RIMS2: variants seen among roughly 807,000 people sequenced by gnomAD.
RIMS2 encodes the protein regulating synaptic membrane exocytosis 2, also known as regulating synaptic membrane exocytosis protein 2.
RIMS2 carries 59 observed loss-of-function variants against 174.4 expected under a neutral mutation model. That is an observed-to-expected ratio of 0.34 (90% CI 0.27 to 0.42). The LOEUF (loss-of-function observed/expected upper bound fraction) is 0.42, where lower values mean the gene tolerates loss of function less well. Ranked by LOEUF, RIMS2 falls within the 10% of genes least tolerant of loss-of-function variation. The pLI, the probability that RIMS2 is intolerant of heterozygous loss-of-function variation, is 1.00. For missense variants in RIMS2, 1,620 were observed against 1,666.3 expected, an observed-to-expected ratio of 0.97 and a Z score of 0.48; for synonymous variants, 606 against 572.5, an observed-to-expected ratio of 1.06 and a Z score of -0.84.
At chr8:103,662,712 A>G (rs1465622392) in intron 1 of RIMS2, among the ~76,000 whole-genome samples, 1 of 149,538 alleles carries the variant, frequency 6.7e-6, no homozygotes, top group Non-Finnish European at 1.5e-5. Context: ...CTATCTATCT[A>G]TCTATCTATA....
chr8:104,108,278 G>A (rs1252133247), intron 19 of RIMS2, among the ~76,000 whole-genome samples: 1 of 151,646 alleles, frequency 6.6e-6, no homozygotes, highest in Non-Finnish European at 1.5e-5. Flanking sequence ...TTATCATCCA[G>A]GCTGTATCAT....
chr8:104,012,033 C>T (rs1162375384), intron 17 of RIMS2, among the ~76,000 whole-genome samples: 1 of 151,886 alleles, frequency 6.6e-6, no homozygotes, highest in Non-Finnish European at 1.5e-5. Flanking sequence ...TTTCATTTCT[C>T]TTACCATTTA....
intron 1 of RIMS2, among the ~76,000 whole-genome samples, chr8:103,672,206 G>T (rs1269543082): frequency 1.4e-5 from 2 of 147,190 alleles, no homozygotes; most frequent in Non-Finnish European, 3.0e-5. Context: ...GTCTTCTATT[G>T]TTTTTTTTTT....
chr8:104,143,729 C>G (rs1321334949), intron 19 of RIMS2, among the ~76,000 whole-genome samples: 2 of 152,206 alleles, frequency 1.3e-5, no homozygotes, highest in African/African-American at 2.4e-5. Context: ...TCCCTGTCTA[C>G]TTTCTATCCT....
intron 1 of RIMS2, among the ~76,000 whole-genome samples, chr8:103,631,945 A>G (rs796533844): frequency 1.5e-4 from 23 of 152,268 alleles, no homozygotes; most frequent in African/African-American, 5.1e-4. Context: ...GTTGGTGTAT[A>G]AAAATACTGT....
chr8:104,030,983 T>C (rs10110236), intron 19 of RIMS2, among the ~76,000 whole-genome samples: 38,450 of 152,008 alleles, frequency 0.25, 5,264 homozygotes, highest in African/African-American at 0.35. Flanking sequence ...GCCTGGATTA[T>C]AGTAGGTGCT....
chr8:103,709,564 C>A (rs981405084), intron 2 of RIMS2, among the ~76,000 whole-genome samples: 4 of 152,238 alleles, frequency 2.6e-5, no homozygotes, highest in South Asian at 2.1e-4. Flanking sequence ...TAATTATTCT[C>A]CTCTACAGAG....
intron 3 of RIMS2, among the ~76,000 whole-genome samples, chr8:103,798,522 G>T (rs2098573806): frequency 6.6e-6 from 1 of 152,082 alleles, no homozygotes; most frequent in African/African-American, 2.4e-5. Flanking sequence ...ATACAGTGAG[G>T]TTTGTTAATC....
intron 1 of RIMS2, among the ~76,000 whole-genome samples, chr8:103,658,667 G>A (rs1353135102): frequency 1.3e-5 from 2 of 152,138 alleles, no homozygotes; most frequent in Non-Finnish European, 2.9e-5. Context: ...GAATTCAAGG[G>A]TCAACGTTTT....
At chr8:104,015,538 G>A (rs536910629) in intron 19 of RIMS2, 2 of 596,406 alleles carry the variant, frequency 3.4e-6, no homozygotes, top group Non-Finnish European at 5.9e-6. Flanking sequence ...AACTGCAATT[G>A]ATGTCCTTTC....
At chr8:103,976,552 T>TC (rs1416024888) in intron 16 of RIMS2, 4 of 143,726 alleles carry the variant, frequency 2.8e-5, no homozygotes, top group African/African-American at 1.1e-4. Flanking sequence ...CTTTTTCTTT[T>TC]TTTTTTTTTT....
At position 104,011,930 on chromosome 8, in the gene RIMS2, CT is replaced by C. The variant is rs538397358; in HGVS notation, c.3045-1511del. ...TAGACTAAAAACATGCAGCAAACTA[CT>C]GAACACACTTATTTGTAAAGAAAAG... On this transcript the variant is annotated intron_variant, in intron 17 of 23. Coordinates refer to ENST00000504942, the Ensembl canonical transcript of RIMS2. Among the ~76,000 whole-genome samples, 662 of 152,120 alleles carry C rather than the reference CT, an allele frequency of 4.4e-3. 7 individuals carry two copies. The highest frequency in any genetic ancestry group is 0.015 in the African/African-American group (631 of 41,572).
chr8:104,022,828 C>T (rs557111454), intron 19 of RIMS2, among the ~76,000 whole-genome samples: 2 of 152,090 alleles, frequency 1.3e-5, no homozygotes, highest in African/African-American at 2.4e-5. Flanking sequence ...ATATGAAATC[C>T]TCTCCACTGC....
At chr8:104,200,727 G>A (rs952764386) in intron 19 of RIMS2, among the ~76,000 whole-genome samples, 1 of 152,120 alleles carries the variant, frequency 6.6e-6, no homozygotes, top group African/African-American at 2.4e-5. Context: ...GCAACATGGT[G>A]AAACCCAATC....
chr8:104,077,981 A>T (rs1302861177), intron 19 of RIMS2, among the ~76,000 whole-genome samples: 2 of 151,754 alleles, frequency 1.3e-5, no homozygotes, highest in Non-Finnish European at 2.9e-5. Flanking sequence ...CATCTCTACT[A>T]AAAATACCAA....
intron 2 of RIMS2, among the ~76,000 whole-genome samples, chr8:103,725,140 C>T (rs566265039): frequency 2.0e-5 from 3 of 152,218 alleles, no homozygotes; most frequent in South Asian, 4.1e-4. Flanking sequence ...TCTCCCCCAC[C>T]CCCACATTTG....
intron 16 of RIMS2, among the ~76,000 whole-genome samples, chr8:103,980,363 C>T (rs2093793795): frequency 6.6e-6 from 1 of 152,008 alleles, no homozygotes. Context: ...AGGGAAGGAC[C>T]CAGTCCTGCA....
At chr8:103,946,657 A>G (rs746696087) in intron 14 of RIMS2, among the ~76,000 whole-genome samples, 1 of 152,218 alleles carries the variant, frequency 6.6e-6, no homozygotes, top group Non-Finnish European at 1.5e-5. Flanking sequence ...CATGAATTAG[A>G]ACACCCAGTA....
At chr8:103,640,330 G>A (rs2096201196) in intron 1 of RIMS2, among the ~76,000 whole-genome samples, 1 of 151,786 alleles carries the variant, frequency 6.6e-6, no homozygotes, top group South Asian at 2.1e-4. Context: ...TTTTCAAAGA[G>A]GTGGCTTTTG....
Sources: allele counts gnomAD v4.1 joint callset (sites outside exome capture counted in the v4.1 genomes callset), GRCh38; gene constraint gnomAD v4.1.1; transcripts MANE v1.5; gene names NCBI Gene and HGNC (gene_info 2026-07-23, HGNC 2026-07-21).